Variants in SUGCT observed in about 807,000 individuals in gnomAD.
SUGCT encodes the protein succinyl-CoA:glutarate CoA-transferase.
A neutral mutation model predicts 55.0 loss-of-function variants in SUGCT; 41 were observed. The observed-to-expected ratio is 0.74, with a 90% CI of 0.58 to 0.97. The LOEUF is 0.97. Among genes scored for constraint, SUGCT ranks in the 50% least tolerant of loss-of-function variants. The pLI is 0.00. For missense variants in SUGCT, 568 were observed against 547.8 expected (o/e 1.04, Z -0.37); for synonymous variants, 187 against 200.4 (o/e 0.93, Z 0.56).
chr7:40,784,510 G>T (rs1020400335), intron 13 of SUGCT, among the ~76,000 whole-genome samples: 2 of 152,126 alleles, frequency 1.3e-5, no homozygotes, highest in African/African-American at 2.4e-5. Context: ...AGGAACTCTT[G>T]TAGACTAATC....
At chr7:40,794,703 C>T (rs1239021334) in intron 13 of SUGCT, among the ~76,000 whole-genome samples, 6 of 151,978 alleles carry the variant, frequency 3.9e-5, no homozygotes, top group African/African-American at 7.2e-5. Flanking sequence ...TCCTGCCTTC[C>T]GGAAAGATTT....
At chr7:40,415,268 C>CAAAAA (rs35619419) in intron 9 of SUGCT, among the ~76,000 whole-genome samples, 1 of 107,860 alleles carries the variant, frequency 9.3e-6, no homozygotes, top group Non-Finnish European at 1.8e-5. Flanking sequence ...GACTCCATCT[C>CAAAAA]AAAAAAAAAA....
rs181454452 is a variant in SUGCT at position 40,344,882 on chromosome 7, A to T, written c.816+28027A>T. 1.7e-3 allele frequency among the ~76,000 whole-genome samples: 257 copies of T among 152,284 alleles called. 2 individuals carry two copies. The highest frequency in any genetic ancestry group is 5.8e-3 in the African/African-American group (239 of 41,538). ...ATGTATATTAAATTTTGTGATTTTT[A>T]AAAAAATGTAACGTTTTTGAAAGCA... On this transcript the variant is annotated intron_variant, in intron 9 of 13. Transcript: ENST00000335693.
intron 9 of SUGCT, among the ~76,000 whole-genome samples, chr7:40,348,235 G>C (rs961935438): frequency 1.3e-5 from 2 of 152,232 alleles, no homozygotes; most frequent in African/African-American, 4.8e-5. Context: ...GGTGTGGTTA[G>C]CTGCTGATAA....
chr7:40,805,794 A>T (rs886664944), intron 13 of SUGCT, among the ~76,000 whole-genome samples: 4 of 152,166 alleles, frequency 2.6e-5, no homozygotes, highest in Admixed American at 2.6e-4. Flanking sequence ...GTTTCCTACA[A>T]ATTTCACGTT....
chr7:40,441,627 T>G (rs980860487), intron 9 of SUGCT, among the ~76,000 whole-genome samples: 2 of 152,222 alleles, frequency 1.3e-5, no homozygotes, highest in Non-Finnish European at 2.9e-5. Context: ...GATATTCATG[T>G]AACTGCATGA....
At chr7:40,818,254 C>CA (rs1791779978) in intron 13 of SUGCT, among the ~76,000 whole-genome samples, 1 of 152,220 alleles carries the variant, frequency 6.6e-6, no homozygotes, top group African/African-American at 2.4e-5. Flanking sequence ...TGGAGGTCTA[C>CA]ACACCTTGGA....
chr7:40,466,981 A>G (rs933783247), intron 11 of SUGCT, among the ~76,000 whole-genome samples: 2 of 152,118 alleles, frequency 1.3e-5, no homozygotes, highest in Admixed American at 6.5e-5. Context: ...AGGCAGGTGG[A>G]TCATGAGGTC....
At chr7:40,922,870 G>A in the SUGCT span, among the ~76,000 whole-genome samples, 1 of 152,148 alleles carries the variant, frequency 6.6e-6, no homozygotes, top group Non-Finnish European at 1.5e-5. Flanking sequence ...GGTATTTCCT[G>A]CCCTTTGGCT....
chr7:40,919,653 A>G, the SUGCT span, among the ~76,000 whole-genome samples: 1 of 152,166 alleles, frequency 6.6e-6, no homozygotes, highest in African/African-American at 2.4e-5. Flanking sequence ...GATCCTGTAT[A>G]CAGAAGTATT....
intron 9 of SUGCT, among the ~76,000 whole-genome samples, chr7:40,445,331 A>G (rs960340024): frequency 6.6e-6 from 1 of 152,222 alleles, no homozygotes; most frequent in South Asian, 2.1e-4. Context: ...CACTGATCCC[A>G]CAGAAATACA....
intron 12 of SUGCT, among the ~76,000 whole-genome samples, chr7:40,578,700 G>A (rs553100725): frequency 1.3e-5 from 2 of 152,248 alleles, no homozygotes; most frequent in East Asian, 1.9e-4. Flanking sequence ...CAACTCAGGC[G>A]ATTCTCTTAG....
chr7:40,926,314 T>C, the SUGCT span, among the ~76,000 whole-genome samples: 2 of 152,080 alleles, frequency 1.3e-5, no homozygotes, highest in Non-Finnish European at 2.9e-5. Context: ...TGTCTTTGTA[T>C]TGGACTCTTT....
chr7:40,466,703 G>A (rs1344995757), intron 11 of SUGCT, among the ~76,000 whole-genome samples: 1 of 152,180 alleles, frequency 6.6e-6, no homozygotes, highest in African/African-American at 2.4e-5. Flanking sequence ...AAAAAGCAAG[G>A]ATCCACGATG....
chr7:40,295,104 A>G (rs1485489283), intron 8 of SUGCT, among the ~76,000 whole-genome samples: 6 of 152,344 alleles, frequency 3.9e-5, no homozygotes, highest in Non-Finnish European at 5.9e-5. Flanking sequence ...TTATGACTGT[A>G]AAAGTATGGA....
the SUGCT span, among the ~76,000 whole-genome samples, chr7:40,998,550 C>A: frequency 1.3e-5 from 2 of 152,194 alleles, no homozygotes; most frequent in Non-Finnish European, 2.9e-5. Context: ...GCCCAGCAGT[C>A]ATAAATTAGT....
At chr7:40,251,768 G>A (rs1398718460) in intron 7 of SUGCT, among the ~76,000 whole-genome samples, 1 of 151,854 alleles carries the variant, frequency 6.6e-6, no homozygotes, top group Non-Finnish European at 1.5e-5. Context: ...CAGTCAACTG[G>A]CCTTTCTTCC....
chr7:40,179,484 G>A lies in SUGCT; in HGVS notation c.101-1463G>A, dbSNP rs376733590. ...AATTTTGCATTTTTAGTGGAGACAG[G>A]GTTGGCCAGGCTGGTCTGGAACTCC... On this transcript the variant is annotated intron_variant, in intron 1 of 13. Coordinates refer to ENST00000335693, the MANE Select transcript of SUGCT (RefSeq NM_001193313.2). 6.1e-4 allele frequency among the ~76,000 whole-genome samples: 92 copies of A among 151,982 alleles called. 2 individuals are homozygous for A. The South Asian group carries it at 0.018, about 29-fold the overall frequency.
chr7:40,331,835 A>G (rs1044563724), intron 9 of SUGCT, among the ~76,000 whole-genome samples: 4 of 152,188 alleles, frequency 2.6e-5, no homozygotes, highest in Non-Finnish European at 5.9e-5. Context: ...GAAGTTCCAC[A>G]CTGAGATTCT....
Sources: gnomAD v4.1 joint callset for allele counts (sites outside exome capture counted in the v4.1 genomes callset) on GRCh38, gnomAD v4.1.1 for gene constraint, MANE v1.5 for transcripts, NCBI Gene and HGNC (gene_info 2026-07-23, HGNC 2026-07-21) for gene names.